AKT1: variants seen among roughly 807,000 people sequenced by gnomAD.
AKT1 encodes AKT serine/threonine kinase 1.
AKT1 carries 21 observed loss-of-function variants against 63.1 expected under a neutral mutation model. The ratio of observed to expected loss-of-function variants is 0.33; its 90% confidence interval spans 0.24 to 0.48. The LOEUF (loss-of-function observed/expected upper bound fraction) is 0.48, where lower values mean the gene tolerates loss of function less well. Among genes scored for constraint, AKT1 ranks in the 20% least tolerant of loss-of-function variants. The pLI is 0.99. For missense variants in AKT1, 382 were observed against 666.0 expected (o/e 0.57, Z 4.69); for synonymous variants, 257 against 253.1 (o/e 1.02, Z -0.15).
At chr14:104,775,324 C>G in intron 6 of AKT1, 117 bp from the exon 7 acceptor site, 1 of 1,531,292 alleles carries the variant, frequency 6.5e-7, no homozygotes, top group African/African-American at 1.4e-5. Flanking sequence ...GAGGCGTCCA[C>G]TTCACACCTG....
intron 3 of AKT1, among the ~76,000 whole-genome samples, chr14:104,790,317 C>T (rs952760074): frequency 1.3e-5 from 2 of 152,196 alleles, no homozygotes; most frequent in Non-Finnish European, 2.9e-5. Flanking sequence ...GGGCTGCGGC[C>T]GGGCCTGGAG....
intron 3 of AKT1, among the ~76,000 whole-genome samples, chr14:104,790,832 C>T (rs1461513092): frequency 6.6e-6 from 1 of 152,176 alleles, no homozygotes; most frequent in Non-Finnish European, 1.5e-5. Context: ...TTCTCCACTC[C>T]ACCAGGTCTC....
At chr14:104,775,494 C>T in intron 6 of AKT1, 158 bp downstream of exon 6, 1 of 1,162,190 alleles carries the variant, frequency 8.6e-7, no homozygotes. Flanking sequence ...AGAGGACCCA[C>T]CTGGGAAGCA....
intron 3 of AKT1, among the ~76,000 whole-genome samples, chr14:104,783,266 TAAC>T (rs1893160746): frequency 6.6e-6 from 1 of 152,060 alleles, no homozygotes; most frequent in African/African-American, 2.4e-5. Flanking sequence ...ATCCAGGACT[TAAC>T]TTGAGTTCCC....
chr14:104,782,544 G>C (rs1192913077), intron 3 of AKT1, among the ~76,000 whole-genome samples: 1 of 152,168 alleles, frequency 6.6e-6, no homozygotes, highest in Admixed American at 6.5e-5. Context: ...GCAGGCCCAG[G>C]GGCGGCGCTT....
intron 4 of AKT1, among the ~76,000 whole-genome samples, chr14:104,778,836 C>T (rs781067391): frequency 6.6e-6 from 1 of 152,190 alleles, no homozygotes; most frequent in Non-Finnish European, 1.5e-5. Context: ...GGGGAGGGGC[C>T]GATGCAGCAC....
intron 5 of AKT1, chr14:104,776,080 GCCC>G: frequency 1.2e-5 from 3 of 255,392 alleles, no homozygotes; most frequent in Non-Finnish European, 2.0e-5. Context: ...GCAGGACTCC[GCCC>G]CCCCCAAGCA....
chr14:104,780,585 C>G (rs1892974658), intron 3 of AKT1, among the ~76,000 whole-genome samples: 1 of 152,222 alleles, frequency 6.6e-6, no homozygotes, highest in Non-Finnish European at 1.5e-5. Flanking sequence ...CCAGCAGGCA[C>G]CAGCAGCAGC....
At position 104,792,177 on chromosome 14, in the gene AKT1, C is replaced by G. The variant is rs571967461; in HGVS notation, c.46+421G>C. The stretch of plus-strand genomic sequence containing the variant: ...CAGGCGGTACGGATTCCCCCCACCC[C>G]CAAAGCTCAGGCCTGAAGCAGGCAC... On this transcript the variant is annotated intron_variant, in intron 3 of 14. Coordinates refer to ENST00000649815, the MANE Select transcript of AKT1 (RefSeq NM_001382430.1). Among the ~76,000 whole-genome samples the G allele has an allele frequency of 1.7e-4, 26 of 152,316 alleles. 1 individual carries two copies. Among genetic ancestry groups the G allele is most frequent in the African/African-American group, 6.0e-4 (25 of 41,580 alleles).
intron 3 of AKT1, among the ~76,000 whole-genome samples, chr14:104,784,849 C>CA (rs1893252531): frequency 6.6e-6 from 1 of 152,244 alleles, no homozygotes; most frequent in Non-Finnish European, 1.5e-5. Flanking sequence ...GGTGGCCCTC[C>CA]ACGTCCCGGG....
At chr14:104,776,568 A>C (rs1892726788) in intron 5 of AKT1, 91 bp downstream of exon 5, 1 of 1,122,052 alleles carries the variant, frequency 8.9e-7, no homozygotes, top group African/African-American at 1.6e-5. Flanking sequence ...GGATGGCTAC[A>C]GGCAGAGGTG....
chr14:104,778,338 G>C (rs1178177250), intron 4 of AKT1: 1 of 152,260 alleles, frequency 6.6e-6, no homozygotes, highest in Non-Finnish European at 1.5e-5. Flanking sequence ...GGAGGGTGTG[G>C]GACAAGTCAC....
intron 4 of AKT1, 197 bp from the exon 5 acceptor site, chr14:104,776,967 T>A (rs1892752377): frequency 7.2e-6 from 4 of 553,654 alleles, no homozygotes; most frequent in South Asian, 4.2e-5. Flanking sequence ...GCTCAGACAC[T>A]CTACTCCAGG....
rs1595243894 is a variant in AKT1 at position 104,774,264 on chromosome 14, T to C, written c.634-284A>G. 3 of 484,742 alleles carry C rather than the reference T, an allele frequency of 6.2e-6. No homozygotes were observed. The East Asian group carries it at 1.1e-4, about 18-fold the overall frequency. The allele number at this position is 484,742 out of a possible 1,614,324, so 30.0% of individuals were successfully genotyped here. A position where few individuals can be genotyped will look rare whatever the true frequency, so the allele number is the denominator to read the frequency against. ...CACTGCCCCACACCACACTGCCTCATGCCACGCCACCATCAGGCTGGGCCC... is the reference window on the plus strand; with the variant it reads ...CACTGCCCCACACCACACTGCCTCACGCCACGCCACCATCAGGCTGGGCCC... On this transcript the variant is annotated intron_variant, in intron 8 of 14. Coordinates refer to ENST00000649815, the MANE Select transcript of AKT1 (RefSeq NM_001382430.1).
At position 104,789,434 on chromosome 14, in the gene AKT1, G is replaced by A. The variant is rs61759763; in HGVS notation, c.46+3164C>T. Among the ~76,000 whole-genome samples the A allele has an allele frequency of 8.6e-4, 131 of 152,362 alleles. 1 individual carries two copies. Among genetic ancestry groups the A allele is most frequent in the Admixed American group, 2.4e-3 (37 of 15,310 alleles). On this transcript the variant is annotated intron_variant, in intron 3 of 14. Coordinates refer to ENST00000649815, the MANE Select transcript of AKT1 (RefSeq NM_001382430.1). ...CAGGAGTACTGGGGCAAGCGGGCAA[G>A]GTGAGCAAGCTGTTTGGGGAAAGTA...
At chr14:104,770,928 A>G in intron 13 of AKT1, 81 bp from the exon 14 acceptor site, 1 of 1,269,296 alleles carries the variant, frequency 7.9e-7, no homozygotes. Context: ...AAGACCTTCA[A>G]AGCACCTGGA....
chr14:104,772,910 A>C lies in AKT1; in HGVS notation c.1140T>G (p.Leu380=). The C allele has an allele frequency of 1.2e-6, 2 of 1,613,106 alleles. No individual in the cohort carries two copies. Among genetic ancestry groups the C allele is most frequent in the Non-Finnish European group, 1.7e-6 (2 of 1,179,932 alleles). ...TGGGGTCCTTCTTGAGCAGCCCTGA[A>C]AGCAAGGACTTGGCCTCGGGACCAA... ...RTLGPEAKSL[L]SGLLKKDPKQ... Residue 380 remains leucine, a synonymous_variant, in exon 12 of 15, where the codon CTT becomes CTG. Transcript: ENST00000649815.
chr14:104,770,360 G>C lies in AKT1; in HGVS notation c.1424C>G (p.Ser475Trp), dbSNP rs2140887993. The C allele has an allele frequency of 6.2e-7, 1 of 1,612,442 alleles. No homozygotes were observed. Among genetic ancestry groups the C allele is most frequent in the Non-Finnish European group, 8.5e-7 (1 of 1,179,874 alleles). The part of the protein sequence containing the change: ...RRPHFPQFSY[S>W]ASGTA Reference sequence around the variant, plus strand: ...GCCGCCTCAGGCCGTGCCGCTGGCCGAGTAGGAGAACTGGGGGAAGTGGGG... The same window carrying C: ...GCCGCCTCAGGCCGTGCCGCTGGCCCAGTAGGAGAACTGGGGGAAGTGGGG... Residue 475 changes from serine (S) to tryptophan (W), a missense_variant, in exon 15 of 15, where the codon TCG (serine) becomes TGG (tryptophan). By Grantham distance (177) the Ser-to-Trp change is radical. Around this residue, in one of 3 missense-constraint regions of AKT1, gnomAD observed 90 missense variants for 120.5 expected, o/e 0.75. Coordinates refer to ENST00000649815, the MANE Select transcript of AKT1 (RefSeq NM_001382430.1).
chr14:104,773,783 T>C (rs1269867206), intron 9 of AKT1, 129 bp downstream of exon 9: 1 of 1,209,560 alleles, frequency 8.3e-7, no homozygotes, highest in African/African-American at 1.5e-5. Context: ...TGGGCAGGCA[T>C]CACACCACCC....
Sources: gnomAD v4.1 joint callset for allele counts (sites outside exome capture counted in the v4.1 genomes callset) on GRCh38, gnomAD v4.1.1 for gene constraint, gnomAD v4.1.1 regional missense constraint, MANE v1.5 for transcripts, NCBI Gene and HGNC (gene_info 2026-07-23, HGNC 2026-07-21) for gene names.